ZC3H12B: variants seen among roughly 807,000 people sequenced by gnomAD.
ZC3H12B encodes probable ribonuclease ZC3H12B.
In ZC3H12B, 7 loss-of-function variants were observed where a neutral mutation model predicts 43.9. The ratio of observed to expected loss-of-function variants is 0.16; its 90% CI spans 0.09 to 0.30. The LOEUF is 0.30. ZC3H12B is among the 10% of genes least tolerant of loss of function. The pLI, the probability that ZC3H12B is intolerant of heterozygous loss-of-function variation, is 1.00. For synonymous variants in ZC3H12B, 222 were observed against 241.7 expected (o/e 0.92, Z 0.76); for missense variants, 475 against 670.2 (o/e 0.71, Z 3.22).
At chrX:65,052,237 G>A in the ZC3H12B span, among the ~76,000 whole-genome samples, 383 of 111,052 alleles carry the variant, frequency 3.4e-3, 4 homozygotes, top group African/African-American at 0.012. Flanking sequence ...GATATGTTTT[G>A]ATACGGACAT....
chrX:65,255,634 G>A, the ZC3H12B span, among the ~76,000 whole-genome samples: 1 of 111,849 alleles, frequency 8.9e-6, no homozygotes, highest in African/African-American at 3.2e-5. Flanking sequence ...CATACAAAAA[G>A]TCTGCATAAT....
chrX:65,111,032 A>C, the ZC3H12B span, among the ~76,000 whole-genome samples: 1 of 111,277 alleles, frequency 9.0e-6, no homozygotes, highest in African/African-American at 3.3e-5. Context: ...TGTTGTTCAC[A>C]TGGTCATTGC....
intron 3 of ZC3H12B, among the ~76,000 whole-genome samples, chrX:65,413,702 T>A (rs1484126088): frequency 8.9e-6 from 1 of 112,059 alleles, no homozygotes; most frequent in Non-Finnish European, 1.9e-5. Context: ...AAGTTTGAAA[T>A]CAGAAAGTGT....
exon 5 of ZC3H12B, chrX:65,502,982 C>T (rs771068613): frequency 9.9e-6 from 12 of 1,209,422 alleles, no homozygotes; most frequent in South Asian, 3.5e-5. Context: ...AGTCATGGTA[C>T]GGAGCGTGCC....
the ZC3H12B span, among the ~76,000 whole-genome samples, chrX:65,191,861 C>G: frequency 9.7e-6 from 1 of 103,090 alleles, no homozygotes; most frequent in Non-Finnish European, 2.0e-5. Context: ...TGTGTTTGCT[C>G]TTGCTTTTCT....
At chrX:65,218,707 C>T in the ZC3H12B span, among the ~76,000 whole-genome samples, 1 of 111,294 alleles carries the variant, frequency 9.0e-6, no homozygotes, top group Non-Finnish European at 1.9e-5. Flanking sequence ...CCTAACCCTG[C>T]TCCCACCTGA....
chrX:65,183,035 A>G, the ZC3H12B span, among the ~76,000 whole-genome samples: 4 of 111,920 alleles, frequency 3.6e-5, no homozygotes, highest in Non-Finnish European at 7.5e-5. Flanking sequence ...AGAACTTAAA[A>G]CAGAATTGCC....
the ZC3H12B span, among the ~76,000 whole-genome samples, chrX:65,360,650 T>A: frequency 1.8e-5 from 2 of 112,503 alleles, no homozygotes; most frequent in African/African-American, 3.2e-5. Context: ...GCTTCTTAAG[T>A]TAATCATACA....
chrX:65,189,915 G>T, the ZC3H12B span, among the ~76,000 whole-genome samples: 1 of 107,978 alleles, frequency 9.3e-6, no homozygotes, highest in Admixed American at 9.7e-5. Flanking sequence ...TTCTTCTAGG[G>T]TTTTTATGGT....
At chrX:65,390,010 T>C (rs756571600) in intron 2 of ZC3H12B, among the ~76,000 whole-genome samples, 164 of 112,306 alleles carry the variant, frequency 1.5e-3, no homozygotes, top group Non-Finnish European at 2.6e-3. Context: ...ACCAACCCAG[T>C]GTCCATTAAT....
the ZC3H12B span, among the ~76,000 whole-genome samples, chrX:65,151,255 A>G: frequency 8.9e-6 from 1 of 112,090 alleles, no homozygotes; most frequent in African/African-American, 3.2e-5. Context: ...AAATTTTTCC[A>G]TTCAAAATCT....
At chrX:65,134,949 A>T in the ZC3H12B span, among the ~76,000 whole-genome samples, 1 of 110,987 alleles carries the variant, frequency 9.0e-6, no homozygotes, top group Admixed American at 9.5e-5. Flanking sequence ...CTGAGACAGG[A>T]GAAGAAATTT....
At chrX:65,157,115 G>T in the ZC3H12B span, among the ~76,000 whole-genome samples, 2 of 110,958 alleles carry the variant, frequency 1.8e-5, no homozygotes, top group Non-Finnish European at 3.8e-5. Context: ...CCAAGTAGCT[G>T]AGACTAAAGT....
the ZC3H12B span, among the ~76,000 whole-genome samples, chrX:65,352,670 T>A: frequency 9.0e-6 from 1 of 111,109 alleles, no homozygotes; most frequent in Non-Finnish European, 1.9e-5. Flanking sequence ...AGATGCTGCC[T>A]TTTTTACAAA....
chrX:65,071,038 A>C, the ZC3H12B span, among the ~76,000 whole-genome samples: 62 of 107,776 alleles, frequency 5.8e-4, no homozygotes, highest in East Asian at 0.017. Flanking sequence ...TTTTTTTCAT[A>C]TTGGCAGTGG....
chrX:65,122,177 G>A, the ZC3H12B span, among the ~76,000 whole-genome samples: 1 of 111,239 alleles, frequency 9.0e-6, no homozygotes, highest in South Asian at 3.8e-4. Context: ...TTGGTGCAGA[G>A]CTGAGTTCAA....
chrX:65,262,649 C>A, the ZC3H12B span, among the ~76,000 whole-genome samples: 1 of 110,425 alleles, frequency 9.1e-6, no homozygotes, highest in East Asian at 2.8e-4. Flanking sequence ...ATTCTCACAA[C>A]ATTGGAATAT....
chrX:65,225,151 A>G, the ZC3H12B span, among the ~76,000 whole-genome samples: 5 of 111,408 alleles, frequency 4.5e-5, no homozygotes, highest in African/African-American at 1.6e-4. Context: ...GACAACTCAC[A>G]CGACCAGGTA....
At chrX:65,219,262 G>A in the ZC3H12B span, among the ~76,000 whole-genome samples, 3 of 111,424 alleles carry the variant, frequency 2.7e-5, no homozygotes, top group Non-Finnish European at 5.6e-5. Context: ...GACAAAACAA[G>A]GTTCTTTAAC....
Sources: allele counts gnomAD v4.1 joint callset (sites outside exome capture counted in the v4.1 genomes callset), GRCh38; gene constraint gnomAD v4.1.1; transcripts MANE v1.5; gene names NCBI Gene and HGNC (gene_info 2026-07-23, HGNC 2026-07-21).